MAF: variants seen among roughly 807,000 people sequenced by gnomAD.
The protein encoded by MAF is transcription factor Maf.
In MAF, 10 loss-of-function variants were observed where a neutral mutation model predicts 22.0. The ratio of observed to expected loss-of-function variants is 0.45; its 90% confidence interval spans 0.28 to 0.77. The LOEUF is 0.77. MAF is among the 30% of genes least tolerant of loss of function. MAF has a pLI of 0.12. For missense variants in MAF, 544 were observed against 548.4 expected (o/e 0.99, Z 0.08); for synonymous variants, 337 against 255.8 (o/e 1.32, Z -3.03).
the MAF span, among the ~76,000 whole-genome samples, chr16:79,389,251 CTTTAT>C: frequency 6.6e-6 from 1 of 152,068 alleles, no homozygotes; most frequent in Admixed American, 6.5e-5. Flanking sequence ...GAAGATCGCT[CTTTAT>C]TTATTTATTT....
At chr16:79,423,616 A>G in the MAF span, among the ~76,000 whole-genome samples, 1 of 152,188 alleles carries the variant, frequency 6.6e-6, no homozygotes, top group Admixed American at 6.5e-5. Flanking sequence ...TTAGTGTTAT[A>G]ATAGCAGAAT....
chr16:79,203,771 G>A, the MAF span: 1 of 152,164 alleles, frequency 6.6e-6, no homozygotes, highest in African/African-American at 2.4e-5. Context: ...TGCGCTGTTA[G>A]AACTGAGCTC....
At chr16:79,395,763 G>A in the MAF span, among the ~76,000 whole-genome samples, 1 of 152,184 alleles carries the variant, frequency 6.6e-6, no homozygotes, top group Admixed American at 6.5e-5. Context: ...GAATAAATGT[G>A]TGTTGTAAGC....
chr16:79,210,193 A>T, the MAF span, among the ~76,000 whole-genome samples: 1 of 152,092 alleles, frequency 6.6e-6, no homozygotes, highest in Non-Finnish European at 1.5e-5. Context: ...TTTCAGACCA[A>T]CTCCATTGTT....
At chr16:79,289,065 A>G in the MAF span, among the ~76,000 whole-genome samples, 1 of 152,216 alleles carries the variant, frequency 6.6e-6, no homozygotes, top group Non-Finnish European at 1.5e-5. Flanking sequence ...AAGCAAAGAT[A>G]CCTGCTGAGA....
chr16:79,564,646 C>T, the MAF span, among the ~76,000 whole-genome samples: 1 of 152,166 alleles, frequency 6.6e-6, no homozygotes, highest in Non-Finnish European at 1.5e-5. Context: ...AGTGGTCCGA[C>T]CCACCCATCT....
the MAF span, among the ~76,000 whole-genome samples, chr16:79,317,913 T>TTCACTCACTCAC: frequency 3.5e-5 from 5 of 144,452 alleles, no homozygotes; most frequent in East Asian, 2.0e-4. Context: ...CATTCATTCA[T>TTCACTCACTCAC]TCACTCACTC....
the MAF span, among the ~76,000 whole-genome samples, chr16:79,308,955 A>G: frequency 6.6e-6 from 1 of 152,208 alleles, no homozygotes; most frequent in Non-Finnish European, 1.5e-5. Context: ...CACTTATGGA[A>G]GTAACATAGA....
At chr16:79,316,628 A>C in the MAF span, among the ~76,000 whole-genome samples, 6,336 of 152,252 alleles carry the variant, frequency 0.042, 227 homozygotes, top group African/African-American at 0.091. Flanking sequence ...ACAGCTTTCC[A>C]TCTCTTCCAG....
chr16:79,259,601 G>C, the MAF span, among the ~76,000 whole-genome samples: 2 of 152,264 alleles, frequency 1.3e-5, no homozygotes, highest in East Asian at 3.9e-4. Flanking sequence ...GGTGAAAAAA[G>C]GATGGAAGAA....
chr16:79,210,684 C>G, the MAF span, among the ~76,000 whole-genome samples: 8 of 152,218 alleles, frequency 5.3e-5, 1 homozygote, highest in Middle Eastern at 3.4e-3. Context: ...CCGACCATGT[C>G]TCCCTCTGAA....
the MAF span, among the ~76,000 whole-genome samples, chr16:79,570,927 T>G: frequency 6.6e-6 from 1 of 152,224 alleles, no homozygotes; most frequent in Non-Finnish European, 1.5e-5. Flanking sequence ...AGATGCCGCC[T>G]GGGTTCCTTC....
Position 79,599,479 on chromosome 16 carries a change from C to G in MAF, c.424G>C (p.Ala142Pro). 2 of 1,396,568 alleles carry G rather than the reference C, an allele frequency of 1.4e-6. No individual in the cohort carries two copies. The highest frequency in any genetic ancestry group is 1.8e-6 in the Non-Finnish European group (2 of 1,084,824). 86.5% of individuals were successfully genotyped at this position (1,396,568 alleles called of 1,614,324 possible). Residue 142 changes from alanine to proline, a missense_variant, in exon 1 of 2, where the codon GCC (alanine) becomes CCC (proline). Ala to Pro is a conservative substitution (Grantham distance 27, BLOSUM62 -1). Coordinates refer to ENST00000326043, the MANE Select transcript of MAF (RefSeq NM_005360.5). ...AAGGAGGCGCCGGCACCGGCCCCGGCCGCCGCGGCCAGCTGCTGCGCCCCG... is the reference window on the plus strand; with the variant it reads ...AAGGAGGCGCCGGCACCGGCCCCGGGCGCCGCGGCCAGCTGCTGCGCCCCG... Reference protein sequence around the residue: ...ARGAQQLAAAAGAGAGASLGG... With the variant: ...ARGAQQLAAAPGAGAGASLGG...
chr16:79,341,012 G>T, the MAF span, among the ~76,000 whole-genome samples: 1 of 152,152 alleles, frequency 6.6e-6, no homozygotes, highest in African/African-American at 2.4e-5. Flanking sequence ...GCAAAGAGCT[G>T]GAGAAGAGCC....
chr16:79,322,074 A>T, the MAF span, among the ~76,000 whole-genome samples: 25,406 of 152,018 alleles, frequency 0.17, 2,772 homozygotes, highest in African/African-American at 0.31. Flanking sequence ...TCTACTAAAA[A>T]TACGAAAATT....
chr16:79,239,880 C>T, the MAF span, among the ~76,000 whole-genome samples: 1 of 151,956 alleles, frequency 6.6e-6, no homozygotes, highest in African/African-American at 2.4e-5. Flanking sequence ...CAGCCCTCAA[C>T]TTTAGAAGCC....
At chr16:79,263,682 G>C in the MAF span, among the ~76,000 whole-genome samples, 2 of 152,112 alleles carry the variant, frequency 1.3e-5, no homozygotes, top group East Asian at 1.9e-4. Flanking sequence ...TTTGCATGTG[G>C]AGTGGGGGAG....
the MAF span, among the ~76,000 whole-genome samples, chr16:79,511,494 A>T: frequency 6.6e-6 from 1 of 152,178 alleles, no homozygotes; most frequent in African/African-American, 2.4e-5. Flanking sequence ...GACAATAAAA[A>T]CATTGCTGCA....
chr16:79,268,876 G>T, the MAF span, among the ~76,000 whole-genome samples: 1 of 152,272 alleles, frequency 6.6e-6, no homozygotes. Context: ...CAGTGGTATA[G>T]CCCTGGGCAA....
Sources: allele counts gnomAD v4.1 joint callset (sites outside exome capture counted in the v4.1 genomes callset), GRCh38; gene constraint gnomAD v4.1.1; transcripts MANE v1.5; gene names NCBI Gene and HGNC (gene_info 2026-07-23, HGNC 2026-07-21).